The following RASGRF2 variants were observed in gnomAD, a reference collection of about 807,000 sequenced individuals.
RASGRF2 encodes Ras protein specific guanine nucleotide releasing factor 2.
Under a neutral mutation model 151.0 loss-of-function variants are expected in RASGRF2, and 76 were observed. That is an observed-to-expected ratio of 0.50 (90% CI 0.42 to 0.61). The LOEUF (loss-of-function observed/expected upper bound fraction) is 0.61, where lower values mean the gene tolerates loss of function less well. Ranked by LOEUF, RASGRF2 falls within the 20% of genes least tolerant of loss-of-function variation. The pLI is 0.00. For synonymous variants in RASGRF2, 504 were observed against 566.5 expected (o/e 0.89, Z 1.57); for missense variants, 1,148 against 1,564.6 (o/e 0.73, Z 4.49).
At chr5:81,203,839 T>G (rs747306744) in intron 19 of RASGRF2, among the ~76,000 whole-genome samples, 1 of 152,248 alleles carries the variant, frequency 6.6e-6, no homozygotes, top group African/African-American at 2.4e-5. Flanking sequence ...AAAGTGAGTA[T>G]TATTACTGTT....
At chr5:81,053,094 G>C (rs1751066892) in intron 2 of RASGRF2, among the ~76,000 whole-genome samples, 1 of 151,860 alleles carries the variant, frequency 6.6e-6, no homozygotes, top group Non-Finnish European at 1.5e-5. Context: ...CTTTAATTAA[G>C]AAATAAAGCC....
At chr5:81,165,001 A>G (rs1430802449) in intron 17 of RASGRF2, among the ~76,000 whole-genome samples, 2 of 152,268 alleles carry the variant, frequency 1.3e-5, no homozygotes, top group Non-Finnish European at 2.9e-5. Context: ...GAGACATGAA[A>G]GACAGGCGGA....
chr5:81,136,767 G>T (rs557081069), intron 17 of RASGRF2, among the ~76,000 whole-genome samples: 4 of 152,110 alleles, frequency 2.6e-5, no homozygotes, highest in Non-Finnish European at 5.9e-5. Context: ...TTGTCCCACA[G>T]TTCTTGTATG....
At chr5:81,219,530 G>T in intron 25 of RASGRF2, 180 bp from the exon 26 acceptor site, 1 of 507,520 alleles carries the variant, frequency 2.0e-6, no homozygotes. Context: ...CATTTCATGT[G>T]CCTCCTTGAG....
At chr5:81,180,545 A>C (rs576250988) in intron 18 of RASGRF2, among the ~76,000 whole-genome samples, 2 of 151,910 alleles carry the variant, frequency 1.3e-5, no homozygotes, top group Admixed American at 1.3e-4. Context: ...AGGAAACAGC[A>C]CTCACCCATG....
chr5:81,035,956 A>T (rs528534998), intron 1 of RASGRF2, among the ~76,000 whole-genome samples: 1 of 152,330 alleles, frequency 6.6e-6, no homozygotes, highest in African/African-American at 2.4e-5. Context: ...AGGAATATGG[A>T]GAAGAAATTA....
intron 9 of RASGRF2, among the ~76,000 whole-genome samples, chr5:81,089,450 A>G (rs1278384775): frequency 2.0e-5 from 3 of 152,248 alleles, no homozygotes; most frequent in Non-Finnish European, 4.4e-5. Flanking sequence ...AGATCACCTC[A>G]GAATAAAGGC....
intron 1 of RASGRF2, among the ~76,000 whole-genome samples, chr5:80,979,339 A>C (rs4704693): frequency 0.034 from 5,138 of 152,322 alleles, 262 homozygotes; most frequent in Admixed American, 0.14. Context: ...ATTTCTTGAA[A>C]TAAAACTAAG....
At chr5:81,192,540 C>T (rs943333670) in intron 18 of RASGRF2, among the ~76,000 whole-genome samples, 4 of 152,310 alleles carry the variant, frequency 2.6e-5, no homozygotes, top group Middle Eastern at 3.4e-3. Flanking sequence ...AAGGTGGCGC[C>T]GACGCAGGCA....
At chr5:81,177,173 G>C (rs1383592669) in intron 17 of RASGRF2, among the ~76,000 whole-genome samples, 2 of 152,150 alleles carry the variant, frequency 1.3e-5, no homozygotes, top group Non-Finnish European at 2.9e-5. Context: ...TTTGACCATG[G>C]AAAATTCCTT....
intron 18 of RASGRF2, among the ~76,000 whole-genome samples, chr5:81,184,611 A>G (rs963140254): frequency 3.9e-5 from 6 of 152,206 alleles, no homozygotes; most frequent in African/African-American, 1.4e-4. Context: ...TACTGTCTGA[A>G]TGACAAGTGG....
chr5:81,185,829 T>C (rs1755014157), intron 18 of RASGRF2, among the ~76,000 whole-genome samples: 1 of 152,196 alleles, frequency 6.6e-6, no homozygotes, highest in African/African-American at 2.4e-5. Context: ...TTTTGAAGAA[T>C]ATACTGAACT....
intron 2 of RASGRF2, among the ~76,000 whole-genome samples, chr5:81,046,126 C>G (rs950434138): frequency 3.3e-5 from 5 of 152,106 alleles, no homozygotes; most frequent in African/African-American, 4.8e-5. Flanking sequence ...ATGTTCTTTT[C>G]TGAGCTACAA....
At chr5:81,068,540 T>C (rs1405201721) in intron 3 of RASGRF2, among the ~76,000 whole-genome samples, 1 of 152,130 alleles carries the variant, frequency 6.6e-6, no homozygotes, top group African/African-American at 2.4e-5. Context: ...TCAATTAAAG[T>C]CTAAAATGAC....
intron 1 of RASGRF2, among the ~76,000 whole-genome samples, chr5:80,976,140 G>GT (rs1561534419): frequency 1.3e-5 from 2 of 152,120 alleles, no homozygotes; most frequent in African/African-American, 4.8e-5. Flanking sequence ...ACCACGCCCG[G>GT]CTAAAGCAAT....
rs1225175412 is a variant in RASGRF2, at chr5:81,086,915, A to C, written c.1352A>C (p.Asp451Ala). Residue 451 changes from aspartate to alanine, a missense_variant, in exon 9 of 27, where the codon GAC becomes GCC. Physicochemically the swap from Asp to Ala is moderately radical, Grantham distance 126. This residue lies in a region of RASGRF2 where 176 missense variants were observed against 309.6 expected (regional missense o/e 0.57). Transcript: ENST00000265080. Reference protein sequence around the residue: ...AIERMIVEGCDILLDTSQTFI... With the variant: ...AIERMIVEGCAILLDTSQTFI... ...GAAAGAATGATCGTGGAGGGCTGTGACATCTTGCTGGACACCAGCCAAACG... is the reference window on the plus strand; with the variant it reads ...GAAAGAATGATCGTGGAGGGCTGTGCCATCTTGCTGGACACCAGCCAAACG... 1 of 1,614,066 alleles carries C rather than the reference A, an allele frequency of 6.2e-7. No individual in the cohort carries two copies. The highest frequency in any genetic ancestry group is 1.3e-5 in the African/African-American group (1 of 74,930).
intron 1 of RASGRF2, among the ~76,000 whole-genome samples, chr5:81,011,600 G>C (rs1749461183): frequency 6.6e-6 from 1 of 152,066 alleles, no homozygotes; most frequent in South Asian, 2.1e-4. Flanking sequence ...AATTAGCCTG[G>C]CATGGTGGCA....
chr5:81,096,201 A>G (rs538260957), intron 12 of RASGRF2: 1 of 152,324 alleles, frequency 6.6e-6, no homozygotes, highest in African/African-American at 2.4e-5. Context: ...TTTCTGCCTG[A>G]CAAGGAAATG....
chr5:81,040,061 A>G (rs1015907671), intron 1 of RASGRF2, among the ~76,000 whole-genome samples: 2 of 152,180 alleles, frequency 1.3e-5, no homozygotes, highest in African/African-American at 4.8e-5. Context: ...CAGTGGCCCA[A>G]TTACTGCTCA....
Sources: allele counts gnomAD v4.1 joint callset (sites outside exome capture counted in the v4.1 genomes callset), GRCh38; gene constraint gnomAD v4.1.1; regional missense constraint gnomAD v4.1.1; transcripts MANE v1.5; gene names NCBI Gene and HGNC (gene_info 2026-07-23, HGNC 2026-07-21).